LHFPL3: variants seen among roughly 807,000 people sequenced by gnomAD.
LHFPL3 encodes the protein LHFPL tetraspan subfamily member 3.
LHFPL3 carries 5 observed loss-of-function variants against 19.3 expected under a neutral mutation model. The observed-to-expected ratio is 0.26, with a 90% CI of 0.14 to 0.54. The LOEUF (loss-of-function observed/expected upper bound fraction) is 0.54. LHFPL3 is among the 20% of genes least tolerant of loss of function. The pLI is 0.94. For missense variants in LHFPL3, 249 were observed against 307.4 expected, an observed-to-expected ratio of 0.81 and a Z score of 1.42; for synonymous variants, 133 against 126.2, an observed-to-expected ratio of 1.05 and a Z score of -0.36.
At chr7:104,862,882 A>G (rs970226680) in intron 2 of LHFPL3, among the ~76,000 whole-genome samples, 12 of 152,246 alleles carry the variant, frequency 7.9e-5, no homozygotes, top group South Asian at 2.1e-4. Flanking sequence ...AGCTGGAAGA[A>G]GAGCTCAGCT....
intron 2 of LHFPL3, among the ~76,000 whole-genome samples, chr7:104,853,387 G>T (rs1791446833): frequency 6.6e-6 from 1 of 152,176 alleles, no homozygotes; most frequent in South Asian, 2.1e-4. Context: ...CAGTTCACTT[G>T]AGCCTACTCT....
intron 1 of LHFPL3, among the ~76,000 whole-genome samples, chr7:104,579,803 T>C (rs1790420629): frequency 6.6e-6 from 1 of 152,182 alleles, no homozygotes; most frequent in Non-Finnish European, 1.5e-5. Context: ...AACAAAGAAC[T>C]ATGCTAGCAT....
At chr7:104,881,373 A>T (rs2068073830) in intron 2 of LHFPL3, among the ~76,000 whole-genome samples, 1 of 152,198 alleles carries the variant, frequency 6.6e-6, no homozygotes, top group Non-Finnish European at 1.5e-5. Context: ...CAACATTAAC[A>T]AGAGTTTGGA....
In LHFPL3 at chr7:104,702,822, C is replaced by T. The variant is rs142456548; in HGVS notation, c.446-33853C>T. The stretch of plus-strand genomic sequence containing the variant: ...AGGTAGGATCCCTCTTTCTCCCTGG[C>T]GCCTTATTGCATATTCTGAGCTGTG... On this transcript the variant is annotated intron_variant, in intron 1 of 2. Coordinates refer to ENST00000424859, the MANE Select transcript of LHFPL3 (RefSeq NM_199000.3). 1.4e-3 allele frequency among the ~76,000 whole-genome samples: 219 copies of T among 152,242 alleles called. 2 individuals are homozygous for T. The highest frequency in any genetic ancestry group is 4.9e-3 in the African/African-American group (203 of 41,536).
In LHFPL3 at chr7:104,867,022, A is replaced by C. The variant is rs201820779; in HGVS notation, c.683-39165A>C. Among the ~76,000 whole-genome samples, 456 of 152,344 alleles carry C rather than the reference A, an allele frequency of 3.0e-3. 7 individuals are homozygous for C. Among genetic ancestry groups the C allele is most frequent in the Admixed American group, 0.027 (411 of 15,302 alleles). On this transcript the variant is annotated intron_variant, in intron 2 of 2. Transcript: ENST00000424859. ...AGGCAGAAATAAAGATGTTCTTTGA[A>C]ACCAACAAGAACAAAGACACAACAT...
chr7:104,330,739 T>C (rs899473609), intron 1 of LHFPL3, among the ~76,000 whole-genome samples: 2 of 152,112 alleles, frequency 1.3e-5, no homozygotes, highest in Non-Finnish European at 2.9e-5. Context: ...CCCCAACTTT[T>C]TCTAGCAATT....
chr7:104,611,822 G>T (rs1406023049), intron 1 of LHFPL3, among the ~76,000 whole-genome samples: 1 of 152,138 alleles, frequency 6.6e-6, no homozygotes, highest in African/African-American at 2.4e-5. Flanking sequence ...TCTCAATTTA[G>T]TTCATTTGAA....
intron 1 of LHFPL3, among the ~76,000 whole-genome samples, chr7:104,511,067 A>G (rs999665084): frequency 2.6e-5 from 4 of 151,988 alleles, no homozygotes; most frequent in Non-Finnish European, 5.9e-5. Context: ...GTTAAAAAAG[A>G]AAGAAAGAAA....
At chr7:104,577,797 A>G (rs1054206761) in intron 1 of LHFPL3, among the ~76,000 whole-genome samples, 7 of 152,050 alleles carry the variant, frequency 4.6e-5, no homozygotes, top group Non-Finnish European at 1.0e-4. Flanking sequence ...ATTACCTTGT[A>G]TTTTCTGAAA....
intron 1 of LHFPL3, among the ~76,000 whole-genome samples, chr7:104,365,517 C>G (rs1790469731): frequency 6.7e-6 from 1 of 150,338 alleles, no homozygotes. Flanking sequence ...CGCGGTGGCT[C>G]ACGCCTGTAA....
intron 1 of LHFPL3, among the ~76,000 whole-genome samples, chr7:104,571,469 C>T (rs145307798): frequency 4.6e-5 from 7 of 152,258 alleles, no homozygotes; most frequent in African/African-American, 1.2e-4. Context: ...CCCCTCCTTT[C>T]GCCAGCTTTT....
intron 1 of LHFPL3, among the ~76,000 whole-genome samples, chr7:104,370,771 A>G (rs1263921422): frequency 6.6e-6 from 1 of 152,132 alleles, no homozygotes; most frequent in Non-Finnish European, 1.5e-5. Flanking sequence ...AATCCCAGCT[A>G]CTCAGGAGGC....
At chr7:104,856,952 T>C (rs1033126654) in intron 2 of LHFPL3, among the ~76,000 whole-genome samples, 5 of 152,316 alleles carry the variant, frequency 3.3e-5, no homozygotes, top group South Asian at 2.1e-4. Context: ...AAAGTGAGTA[T>C]TTGAGAGGCT....
intron 2 of LHFPL3, among the ~76,000 whole-genome samples, chr7:104,798,119 G>C (rs1171495072): frequency 6.6e-6 from 1 of 152,118 alleles, no homozygotes; most frequent in Non-Finnish European, 1.5e-5. Flanking sequence ...GTATGTCCTA[G>C]AACTAGAAAC....
chr7:104,726,658 G>T (rs1376250638), intron 1 of LHFPL3, among the ~76,000 whole-genome samples: 1 of 152,078 alleles, frequency 6.6e-6, no homozygotes. Context: ...CAAAAGACAT[G>T]ATTTCAGTCC....
At chr7:104,436,737 T>C (rs1792114290) in intron 1 of LHFPL3, among the ~76,000 whole-genome samples, 1 of 152,242 alleles carries the variant, frequency 6.6e-6, no homozygotes, top group African/African-American at 2.4e-5. Flanking sequence ...TGCCCATGCA[T>C]TATTTACTCA....
intron 1 of LHFPL3, among the ~76,000 whole-genome samples, chr7:104,709,496 C>G (rs1290142834): frequency 1.4e-5 from 2 of 144,616 alleles, no homozygotes; most frequent in Non-Finnish European, 3.1e-5. Context: ...CACCCTTAAT[C>G]CATTTAACCC....
intron 1 of LHFPL3, among the ~76,000 whole-genome samples, chr7:104,661,636 G>C (rs1792225296): frequency 6.6e-6 from 1 of 152,116 alleles, no homozygotes; most frequent in East Asian, 1.9e-4. Context: ...CCTTACCCCA[G>C]GGAAATACTT....
At chr7:104,354,319 T>A (rs1790232703) in intron 1 of LHFPL3, among the ~76,000 whole-genome samples, 1 of 152,198 alleles carries the variant, frequency 6.6e-6, no homozygotes, top group African/African-American at 2.4e-5. Context: ...TGCCCCTAGA[T>A]TTCTACCACA....
Sources: gnomAD v4.1 joint callset for allele counts (sites outside exome capture counted in the v4.1 genomes callset) on GRCh38, gnomAD v4.1.1 for gene constraint, MANE v1.5 for transcripts, NCBI Gene and HGNC (gene_info 2026-07-23, HGNC 2026-07-21) for gene names.